Variants in CLEC12A observed in about 807,000 individuals in gnomAD.
CLEC12A encodes the protein C-type lectin domain family 12 member A.
CLEC12A carries 22 observed loss-of-function variants against 26.5 expected under a neutral mutation model. The observed-to-expected ratio is 0.83, with a 90% confidence interval of 0.59 to 1.19. CLEC12A has a LOEUF of 1.19. CLEC12A is among the 50% of genes most tolerant of loss of function. CLEC12A has a pLI of 0.00. For missense variants in CLEC12A, 353 were observed against 315.6 expected (o/e 1.12, Z -0.90); for synonymous variants, 119 against 101.9 (o/e 1.17, Z -1.01).
chr12:9,962,987 G>T (rs663757), intron 1 of CLEC12A, among the ~76,000 whole-genome samples: 78,916 of 152,044 alleles, frequency 0.52, 22,227 homozygotes, highest in South Asian at 0.64. Flanking sequence ...GGCGATGTGG[G>T]AACCTAGAGT....
intron 1 of CLEC12A, among the ~76,000 whole-genome samples, chr12:9,975,491 T>TGA (rs1483145003): frequency 3.9e-5 from 6 of 152,118 alleles, no homozygotes; most frequent in Non-Finnish European, 8.8e-5. Flanking sequence ...ACATTGAACT[T>TGA]GAGAGGGATG....
intron 1 of CLEC12A, among the ~76,000 whole-genome samples, chr12:9,962,976 G>A (rs1463640537): frequency 1.3e-5 from 2 of 152,162 alleles, no homozygotes; most frequent in East Asian, 3.9e-4. Flanking sequence ...GCGGGATTAG[G>A]GGCGATGTGG....
At chr12:9,992,361 G>A (rs1448866326) in intron 4 of CLEC12A, 1 of 152,110 alleles carries the variant, frequency 6.6e-6, no homozygotes, top group Admixed American at 6.6e-5. Context: ...CTAACCAGAG[G>A]TAGACTTGGA....
At chr12:9,969,904 C>G (rs570767463), upstream of CLEC12A, among the ~76,000 whole-genome samples, 1 of 152,208 alleles carries the variant, frequency 6.6e-6, no homozygotes, top group Non-Finnish European at 1.5e-5. Flanking sequence ...ACAAACTTAA[C>G]CACTTTGCAA....
the CLEC12A span, among the ~76,000 whole-genome samples, chr12:10,002,321 A>G: frequency 6.6e-6 from 1 of 152,226 alleles, no homozygotes; most frequent in Non-Finnish European, 1.5e-5. Context: ...ATTATGTTTC[A>G]GACACTGAAA....
chr12:10,002,008 T>C, the CLEC12A span, among the ~76,000 whole-genome samples: 10 of 151,284 alleles, frequency 6.6e-5, no homozygotes, highest in Non-Finnish European at 1.3e-4. Context: ...GCCTCCCGAG[T>C]AGCTGGGAGT....
At chr12:9,962,635 G>A (rs1181129733) in intron 1 of CLEC12A, among the ~76,000 whole-genome samples, 1 of 152,102 alleles carries the variant, frequency 6.6e-6, no homozygotes, top group Non-Finnish European at 1.5e-5. Context: ...GACAGGAGTG[G>A]GGGCCACAAG....
In CLEC12A at chr12:9,984,913, T is replaced by C. The variant is rs1302520319; in HGVS notation, c.685T>C (p.Tyr229His). 6 of 1,581,234 alleles carry C rather than the reference T, an allele frequency of 3.8e-6. No individual in the cohort carries two copies. Among genetic ancestry groups the C allele is most frequent in the Non-Finnish European group, 5.2e-6 (6 of 1,162,628 alleles). Residue 229 changes from tyrosine (Y) to histidine (H), a missense_variant, in exon 6 of 6, where the codon TAT becomes CAT. By Grantham distance (83) the Tyr-to-His change is moderately conservative. Coordinates refer to ENST00000304361, the MANE Select transcript of CLEC12A (RefSeq NM_138337.6). ...APDLNNMYCGYINRLYVQYYH... is the reference protein window; with the variant it reads ...APDLNNMYCGHINRLYVQYYH... ...TGACTTAAATAACATGTATTGTGGA[T>C]ATATAAATAGACTATATGTTCAATA...
At chr12:9,968,775 T>C (rs984862233), upstream of CLEC12A, among the ~76,000 whole-genome samples, 7 of 152,338 alleles carry the variant, frequency 4.6e-5, no homozygotes, top group Non-Finnish European at 8.8e-5. Context: ...GTAATTATAT[T>C]TGCAGATTGT....
chr12:9,984,889 G>C lies in CLEC12A; in HGVS notation c.661G>C (p.Asp221His). ...SSAWVIRNAP[D>H]LNNMYCGYIN... ...TTTCAGGGTTATAAGAAACGCACCTGACTTAAATAACATGTATTGTGGATA... is the reference window on the plus strand; with the variant it reads ...TTTCAGGGTTATAAGAAACGCACCTCACTTAAATAACATGTATTGTGGATA... Residue 221 changes from aspartate (D) to histidine (H), a missense_variant, in exon 6 of 6, where the codon GAC becomes CAC. Coordinates refer to ENST00000304361, the MANE Select transcript of CLEC12A (RefSeq NM_138337.6). 1 of 1,535,154 alleles carries C rather than the reference G, an allele frequency of 6.5e-7. No individual in the cohort carries two copies. Among genetic ancestry groups the C allele is most frequent in the Non-Finnish European group, 8.8e-7 (1 of 1,140,954 alleles).
At chr12:9,957,465 GTGA>G (rs61614810) in intron 1 of CLEC12A, among the ~76,000 whole-genome samples, 128,995 of 148,346 alleles carry the variant, frequency 0.87, 56,323 homozygotes, top group Middle Eastern at 0.92. Flanking sequence ...TCCAGCCTGG[GTGA>G]TGACAGAGTG....
downstream of CLEC12A, among the ~76,000 whole-genome samples, chr12:9,996,234 A>C (rs993365179): frequency 4.6e-5 from 7 of 152,178 alleles, no homozygotes; most frequent in African/African-American, 1.7e-4. Flanking sequence ...AAAATATATC[A>C]ATATTATATA....
chr12:9,980,572 C>G lies in CLEC12A; in HGVS notation c.380-10C>G. On this transcript the variant is annotated splice_polypyrimidine_tract_variant and intron_variant, in intron 3 of 5. Transcript: ENST00000304361. Reference sequence around the variant, plus strand: ...AACAAAACCCAAATAAAACTATGTTCTTCTTCCAGAGCACAAATGTAAGCC... The same window carrying G: ...AACAAAACCCAAATAAAACTATGTTGTTCTTCCAGAGCACAAATGTAAGCC... The G allele has an allele frequency of 6.2e-7, 1 of 1,609,018 alleles. No homozygotes were observed. Among genetic ancestry groups the G allele is most frequent in the African/African-American group, 1.3e-5 (1 of 74,712 alleles).
downstream of CLEC12A, chr12:9,996,700 T>C: frequency 1.2e-6 from 1 of 808,954 alleles, no homozygotes; most frequent in Non-Finnish European, 2.1e-6. Flanking sequence ...CTGGGTTCTG[T>C]AATTCTTACT....
At chr12:9,953,435 C>A (rs1375596838) in intron 1 of CLEC12A, 1 of 111,294 alleles carries the variant, frequency 9.0e-6, no homozygotes, top group Non-Finnish European at 2.0e-5. Flanking sequence ...CCTGGCCAGC[C>A]GCCCCGTCCG....
Position 9,985,351 on chromosome 12 carries a change from G to A in CLEC12A, c.*325G>A, listed in dbSNP as rs928650530. 1 of 398,918 alleles carries A rather than the reference G, an allele frequency of 2.5e-6. No homozygotes were observed. 24.7% of individuals were successfully genotyped at this position (398,918 alleles called of 1,614,324 possible). A position where few individuals can be genotyped will look rare whatever the true frequency, so the allele number is the denominator to read the frequency against. On this transcript the variant is annotated 3_prime_UTR_variant, in exon 6 of 6. Coordinates refer to ENST00000304361, the MANE Select transcript of CLEC12A (RefSeq NM_138337.6). ...TTCCCCTTCTGGCCAAGATTTGCCAGAGGCAACATCAAAAACCAGCAAATT... is the reference window on the plus strand; with the variant it reads ...TTCCCCTTCTGGCCAAGATTTGCCAAAGGCAACATCAAAAACCAGCAAATT...
chr12:10,003,319 CAATT>C, the CLEC12A span, among the ~76,000 whole-genome samples: 1 of 152,046 alleles, frequency 6.6e-6, no homozygotes, highest in African/African-American at 2.4e-5. Context: ...ATAAGCTAAA[CAATT>C]AATAACTATC....
chr12:9,984,987 T>TC lies in CLEC12A; in HGVS notation c.761dup (p.Val255SerfsTer9). 1 of 1,546,886 alleles carries TC rather than the reference T, an allele frequency of 6.5e-7. No homozygotes were observed. The highest frequency in any genetic ancestry group is 1.2e-5 in the South Asian group (1 of 82,952). On this transcript the variant is annotated frameshift_variant, in exon 6 of 6. Coordinates refer to ENST00000304361, the MANE Select transcript of CLEC12A (RefSeq NM_138337.6). LOFTEE classifies it high-confidence loss of function. The stretch of plus-strand genomic sequence containing the variant: ...GAATGATATGTGAGAAGATGGCCAA[T>TC]CCAGTGCAGCTTGGTTCTACATATT...
downstream of CLEC12A, among the ~76,000 whole-genome samples, chr12:9,989,372 A>AG (rs1442173041): frequency 6.6e-6 from 1 of 151,812 alleles, no homozygotes; most frequent in African/African-American, 2.4e-5. Context: ...ATAATAAAAA[A>AG]AAAGAAATTA....
Sources: gnomAD v4.1 joint callset for allele counts (sites outside exome capture counted in the v4.1 genomes callset) on GRCh38, gnomAD v4.1.1 for gene constraint, MANE v1.5 for transcripts, NCBI Gene and HGNC (gene_info 2026-07-23, HGNC 2026-07-21) for gene names.